ZNF248: variants seen among roughly 807,000 people sequenced by gnomAD.
ZNF248 encodes KRAB protein domain.
In ZNF248, 20 loss-of-function variants were observed where a neutral mutation model predicts 44.3. The observed-to-expected ratio is 0.45, with a 90% CI of 0.32 to 0.66. The LOEUF (loss-of-function observed/expected upper bound fraction) is 0.66. Ranked by LOEUF, ZNF248 falls within the 30% of genes least tolerant of loss-of-function variation. The pLI is 0.04. For missense variants in ZNF248, 654 were observed against 677.0 expected (o/e 0.97, Z 0.38); for synonymous variants, 224 against 229.0 (o/e 0.98, Z 0.20).
intron 6 of ZNF248, chr10:37,803,622 A>C (rs146703735): frequency 6.6e-6 from 1 of 152,334 alleles, no homozygotes; most frequent in Non-Finnish European, 1.5e-5. Context: ...TCAGATCAGA[A>C]GTGTGACCTT....
At chr10:37,855,756 T>C (rs1397870699) in intron 3 of ZNF248, among the ~76,000 whole-genome samples, 1 of 152,278 alleles carries the variant, frequency 6.6e-6, no homozygotes, top group Admixed American at 6.5e-5. Flanking sequence ...TGAGTTTAGG[T>C]GAGGGAATAA....
intron 6 of ZNF248, among the ~76,000 whole-genome samples, chr10:37,789,509 A>G (rs2048264370): frequency 6.6e-6 from 1 of 152,090 alleles, no homozygotes; most frequent in Admixed American, 6.6e-5. Flanking sequence ...TTTTTTGATA[A>G]CCCCTTCTCA....
rs1264276231 is a variant in ZNF248 at position 37,833,012 on chromosome 10, T to C, written c.343A>G (p.Asn115Asp). 13 of 1,613,590 alleles carry C rather than the reference T, an allele frequency of 8.1e-6. No homozygotes were observed. Among genetic ancestry groups the C allele is most frequent in the Admixed American group, 1.7e-5 (1 of 59,960 alleles). The change falls in exon 6 of 6, where the codon AAT (asparagine) becomes GAT (aspartate). Residue 115 changes from asparagine (N) to aspartate (D), a missense_variant. Physicochemically the swap from Asn to Asp is conservative, Grantham distance 23. Transcript: ENST00000395867. ...FHNNKTVSVENGDRGSKTFNL... is the reference protein window; with the variant it reads ...FHNNKTVSVEDGDRGSKTFNL... The stretch of plus-strand genomic sequence containing the variant: ...AAAGTTTTGCTTCCTCTATCTCCAT[T>C]TTCTACACTTACTGTTTTGTTGTTG...
At chr10:37,811,429 A>AAAAT (rs1157937005) in intron 6 of ZNF248, among the ~76,000 whole-genome samples, 17 of 152,156 alleles carry the variant, frequency 1.1e-4, no homozygotes, top group African/African-American at 3.4e-4. Context: ...TTAGAGCAAA[A>AAAAT]AAATAAATAA....
rs200247156 is a variant in ZNF248 at position 37,832,754 on chromosome 10, A to G, written c.601T>C (p.Tyr201His). The change falls in exon 6 of 6, where the codon TAT becomes CAT. Residue 201 changes from tyrosine to histidine, a missense_variant. Physicochemically the swap from Tyr to His is moderately conservative, Grantham distance 83. Coordinates refer to ENST00000395867, the MANE Select transcript of ZNF248 (RefSeq NM_021045.3). The part of the protein sequence containing the change: ...KYDQKRNAIN[Y>H]HQDLSQPSFG... ...CTTGGCTGACTGAGATCCTGGTGAT[A>G]ATTAATGGCATTCCTTTTTTGATCA... 1.5e-4 allele frequency: 243 copies of G among 1,613,582 alleles called. No homozygotes were observed. The highest frequency in any genetic ancestry group is 2.0e-4 in the Non-Finnish European group (232 of 1,179,860).
At chr10:37,851,294 A>C (rs533362619) in intron 3 of ZNF248, among the ~76,000 whole-genome samples, 5 of 152,204 alleles carry the variant, frequency 3.3e-5, no homozygotes, top group Non-Finnish European at 7.3e-5. Flanking sequence ...ACAAAGGTTA[A>C]CAACTGAAGA....
intron 6 of ZNF248, among the ~76,000 whole-genome samples, chr10:37,808,309 G>A (rs908699571): frequency 1.4e-5 from 2 of 141,868 alleles, no homozygotes; most frequent in African/African-American, 5.3e-5. Context: ...ACAGAATCTC[G>A]CTCTGTCACC....
chr10:37,784,395 T>C (rs2047651315), intron 6 of ZNF248, among the ~76,000 whole-genome samples: 1 of 152,202 alleles, frequency 6.6e-6, no homozygotes. Flanking sequence ...TCACGCTGTC[T>C]CCTGGACTTG....
downstream of ZNF248, among the ~76,000 whole-genome samples, chr10:37,827,781 T>A (rs942953059): frequency 3.3e-5 from 5 of 152,226 alleles, no homozygotes; most frequent in African/African-American, 1.2e-4. Context: ...GTTGAAGGCA[T>A]CAAGGATACC....
chr10:37,821,016 G>T, intron 6 of ZNF248: 1 of 1,334,368 alleles, frequency 7.5e-7, no homozygotes. Context: ...GAGACTAAAG[G>T]TGCTCTGGGA....
the ZNF248 span, among the ~76,000 whole-genome samples, chr10:37,763,177 C>T: frequency 6.6e-6 from 1 of 152,192 alleles, no homozygotes; most frequent in African/African-American, 2.4e-5. Flanking sequence ...GGCACCATGC[C>T]TTTACTGGAC....
At chr10:37,812,545 AC>A (rs2133421368) in intron 6 of ZNF248, among the ~76,000 whole-genome samples, 1 of 152,308 alleles carries the variant, frequency 6.6e-6, no homozygotes, top group South Asian at 2.1e-4. Context: ...GACAGTGAGA[AC>A]CATTTTTCTG....
intron 6 of ZNF248, among the ~76,000 whole-genome samples, chr10:37,811,539 T>C (rs2051492476): frequency 6.6e-6 from 1 of 151,928 alleles, no homozygotes; most frequent in Non-Finnish European, 1.5e-5. Flanking sequence ...GATGTTTGGC[T>C]TTAGAAATTT....
the ZNF248 span, among the ~76,000 whole-genome samples, chr10:37,766,266 C>T: frequency 6.6e-6 from 1 of 152,228 alleles, no homozygotes; most frequent in Admixed American, 6.5e-5. Context: ...AGTAGTGGTT[C>T]TCCCAGCACG....
chr10:37,852,140 G>A (rs569368311), intron 3 of ZNF248, among the ~76,000 whole-genome samples: 34 of 151,976 alleles, frequency 2.2e-4, no homozygotes, highest in Admixed American at 1.7e-3. Context: ...CCAGCTACTC[G>A]GGAGTCTGAG....
intron 6 of ZNF248, among the ~76,000 whole-genome samples, chr10:37,790,659 G>A (rs1279280405): frequency 2.6e-5 from 4 of 151,764 alleles, no homozygotes; most frequent in South Asian, 2.1e-4. Context: ...GCAGTGAGCC[G>A]AGATGGCATC....
At chr10:37,759,964 C>A in the ZNF248 span, among the ~76,000 whole-genome samples, 12 of 152,108 alleles carry the variant, frequency 7.9e-5, no homozygotes, top group African/African-American at 2.9e-4. Context: ...GAGCTGACCC[C>A]AAGCCAGTTG....
intron 6 of ZNF248, among the ~76,000 whole-genome samples, chr10:37,780,534 T>TA (rs1302457008): frequency 6.8e-6 from 1 of 147,962 alleles, no homozygotes; most frequent in Non-Finnish European, 1.5e-5. Flanking sequence ...ATTAAAGACT[T>TA]AAACGACTCT....
At chr10:37,820,284 C>G (rs1293109777) in intron 6 of ZNF248, 1 of 1,383,530 alleles carries the variant, frequency 7.2e-7, no homozygotes, top group East Asian at 2.3e-5. Flanking sequence ...GTTGCCAGAT[C>G]TCATAGATGA....
Sources: allele counts gnomAD v4.1 joint callset (sites outside exome capture counted in the v4.1 genomes callset), GRCh38; gene constraint gnomAD v4.1.1; transcripts MANE v1.5; gene names NCBI Gene and HGNC (gene_info 2026-07-23, HGNC 2026-07-21).